The following LRMDA variants were observed in gnomAD, a reference collection of about 807,000 sequenced individuals.
The protein encoded by LRMDA is leucine rich melanocyte differentiation associated.
A neutral mutation model predicts 29.8 loss-of-function variants in LRMDA; 18 were observed. The ratio of observed to expected loss-of-function variants is 0.60; its 90% CI spans 0.42 to 0.90. LRMDA has a LOEUF of 0.90. Among genes scored for constraint, LRMDA ranks in the 40% least tolerant of loss-of-function variants. LRMDA has a pLI of 0.00. For synonymous variants in LRMDA, 125 were observed against 109.4 expected, an observed-to-expected ratio of 1.14 and a Z score of -0.89; for missense variants, 273 against 273.9, an observed-to-expected ratio of 1.00 and a Z score of 0.02.
chr10:76,527,719 A>C (rs1039518524), intron 6 of LRMDA, among the ~76,000 whole-genome samples: 1 of 152,210 alleles, frequency 6.6e-6, no homozygotes, highest in Non-Finnish European at 1.5e-5. Flanking sequence ...GTTAGCTATA[A>C]TTATTATAAT....
At chr10:76,275,972 G>A (rs913629143) in intron 5 of LRMDA, among the ~76,000 whole-genome samples, 5 of 151,728 alleles carry the variant, frequency 3.3e-5, no homozygotes, top group African/African-American at 9.7e-5. Flanking sequence ...TCTCTCCTCC[G>A]TTATCTTCAT....
At chr10:75,611,538 C>A (rs931484928) in intron 2 of LRMDA, among the ~76,000 whole-genome samples, 1 of 152,220 alleles carries the variant, frequency 6.6e-6, no homozygotes, top group African/African-American at 2.4e-5. Flanking sequence ...CCCTCCTCCC[C>A]TCAGCCCCAG....
intron 2 of LRMDA, among the ~76,000 whole-genome samples, chr10:75,976,306 T>G (rs73281440): frequency 0.01 from 1,586 of 152,378 alleles, 39 homozygotes; most frequent in African/African-American, 0.036. Flanking sequence ...ACAACATTCT[T>G]GGTTAAGTTG....
chr10:76,429,068 C>T (rs1474658860), intron 6 of LRMDA, among the ~76,000 whole-genome samples: 1 of 144,922 alleles, frequency 6.9e-6, no homozygotes, highest in Non-Finnish European at 1.5e-5. Context: ...ATTCCCCACA[C>T]TGGCATGCCA....
chr10:75,534,035 T>C (rs530874593), intron 2 of LRMDA, among the ~76,000 whole-genome samples: 1 of 152,326 alleles, frequency 6.6e-6, no homozygotes, highest in African/African-American at 2.4e-5. Context: ...TGGTGTCCTA[T>C]AGAACCCAGT....
At chr10:75,830,164 C>T (rs1246098928) in intron 2 of LRMDA, among the ~76,000 whole-genome samples, 1 of 152,156 alleles carries the variant, frequency 6.6e-6, no homozygotes, top group Non-Finnish European at 1.5e-5. Context: ...TCTACCCTCC[C>T]TTGAGGGGCT....
At chr10:75,579,341 G>A (rs1166616226) in intron 2 of LRMDA, among the ~76,000 whole-genome samples, 1 of 152,072 alleles carries the variant, frequency 6.6e-6, no homozygotes, top group East Asian at 1.9e-4. Flanking sequence ...GTAAGTTCCT[G>A]GACACATACA....
intron 2 of LRMDA, among the ~76,000 whole-genome samples, chr10:75,519,142 A>G (rs771193365): frequency 6.6e-6 from 1 of 152,212 alleles, no homozygotes; most frequent in African/African-American, 2.4e-5. Context: ...CAGTTTAAGA[A>G]TAAGTATGAT....
intron 2 of LRMDA, among the ~76,000 whole-genome samples, chr10:75,791,856 CTTTTTTTTTTT>C (rs5786188): frequency 9.8e-6 from 1 of 102,066 alleles, no homozygotes; most frequent in Admixed American, 1.2e-4. Context: ...ATTCCAGGAT[CTTTTTTTTTTT>C]TTTTTTTTTT....
chr10:75,995,325 G>C (rs1847443570), intron 2 of LRMDA, among the ~76,000 whole-genome samples: 1 of 152,154 alleles, frequency 6.6e-6, no homozygotes, highest in Non-Finnish European at 1.5e-5. Flanking sequence ...CTTCTCTTGA[G>C]AGAACCCCAC....
At chr10:76,487,407 A>G (rs1842792887) in intron 6 of LRMDA, among the ~76,000 whole-genome samples, 1 of 151,924 alleles carries the variant, frequency 6.6e-6, no homozygotes, top group South Asian at 2.1e-4. Flanking sequence ...GGTAAGGAGG[A>G]CACCTGGGAA....
intron 2 of LRMDA, among the ~76,000 whole-genome samples, chr10:75,528,740 G>A (rs1180887296): frequency 6.6e-6 from 1 of 152,102 alleles, no homozygotes; most frequent in Non-Finnish European, 1.5e-5. Flanking sequence ...GAATGACAGA[G>A]ATCAGAATAA....
At chr10:75,599,195 G>A (rs1008610098) in intron 2 of LRMDA, among the ~76,000 whole-genome samples, 8 of 152,148 alleles carry the variant, frequency 5.3e-5, no homozygotes, top group Admixed American at 2.0e-4. Context: ...GTCTCCTGGC[G>A]CTACAGAGTT....
intron 5 of LRMDA, among the ~76,000 whole-genome samples, chr10:76,311,940 A>G (rs992286076): frequency 3.9e-5 from 6 of 152,134 alleles, no homozygotes; most frequent in South Asian, 4.1e-4. Flanking sequence ...GCTTACACAT[A>G]ACAGGGTATT....
At chr10:76,010,089 CA>C (rs1393917828) in intron 2 of LRMDA, among the ~76,000 whole-genome samples, 1 of 152,104 alleles carries the variant, frequency 6.6e-6, no homozygotes, top group Non-Finnish European at 1.5e-5. Flanking sequence ...CCTTTTCTCG[CA>C]CAACAGTCCT....
chr10:76,240,183 C>T (rs1212029143), intron 5 of LRMDA, among the ~76,000 whole-genome samples: 2 of 146,786 alleles, frequency 1.4e-5, no homozygotes, highest in Admixed American at 6.7e-5. Context: ...ATCGCATACA[C>T]ACACACACAC....
chr10:76,321,421 G>C (rs1840769155), intron 5 of LRMDA, among the ~76,000 whole-genome samples: 1 of 152,092 alleles, frequency 6.6e-6, no homozygotes, highest in Non-Finnish European at 1.5e-5. Context: ...ATTGCCCTTA[G>C]TCCTAGTAAA....
chr10:75,667,884 C>A (rs1252487524), intron 2 of LRMDA, among the ~76,000 whole-genome samples: 1 of 152,212 alleles, frequency 6.6e-6, no homozygotes, highest in Non-Finnish European at 1.5e-5. Flanking sequence ...GCCGTTAATG[C>A]TAGCCTGGAT....
chr10:76,041,191 C>T (rs1321676225), intron 3 of LRMDA, among the ~76,000 whole-genome samples: 1 of 152,152 alleles, frequency 6.6e-6, no homozygotes, highest in African/African-American at 2.4e-5. Context: ...TGCCTCGATG[C>T]GTCAAAAGAA....
Sources: gnomAD v4.1 joint callset for allele counts (sites outside exome capture counted in the v4.1 genomes callset) on GRCh38, gnomAD v4.1.1 for gene constraint, MANE v1.5 for transcripts, NCBI Gene and HGNC (gene_info 2026-07-23, HGNC 2026-07-21) for gene names.